TMEM108: variants seen among roughly 807,000 people sequenced by gnomAD.
TMEM108 encodes the protein transmembrane protein 108.
In TMEM108, 12 loss-of-function variants were observed where a neutral mutation model predicts 35.1. The observed-to-expected ratio is 0.34, with a 90% confidence interval of 0.22 to 0.55. The LOEUF (loss-of-function observed/expected upper bound fraction) is 0.55. TMEM108 is among the 20% of genes least tolerant of loss of function. The probability of loss-of-function intolerance (pLI) is 0.89; values close to 1 mark genes in which losing one functional copy is unlikely to be tolerated. For missense variants in TMEM108, 680 were observed against 753.3 expected (o/e 0.90, Z 1.14); for synonymous variants, 287 against 308.6 (o/e 0.93, Z 0.73).
intron 2 of TMEM108, among the ~76,000 whole-genome samples, chr3:133,054,523 A>G (rs1460346904): frequency 6.6e-6 from 1 of 152,232 alleles, no homozygotes; most frequent in Non-Finnish European, 1.5e-5. Context: ...GTGATAAAGG[A>G]AAATAACTTG....
Position 133,178,656 on chromosome 3 carries a change from A to T in TMEM108, c.-46-50610A>T, listed in dbSNP as rs1945278208. Among the ~76,000 whole-genome samples, 3 of 152,352 alleles carry T rather than the reference A, an allele frequency of 2.0e-5. No individual in the cohort carries two copies. In the South Asian group the frequency reaches 6.2e-4, roughly 32 times the overall value. ...TTCCTTACACCTTATACAAAAATTAATCCAAGGTGGATTAAAGACTTAAAT... is the reference window on the plus strand; with the variant it reads ...TTCCTTACACCTTATACAAAAATTATTCCAAGGTGGATTAAAGACTTAAAT... On this transcript the variant is annotated intron_variant, in intron 2 of 5. Coordinates refer to ENST00000321871, the MANE Select transcript of TMEM108 (RefSeq NM_023943.4).
chr3:133,359,982 C>T (rs1205420638), intron 3 of TMEM108, among the ~76,000 whole-genome samples: 3 of 141,206 alleles, frequency 2.1e-5, no homozygotes, highest in Non-Finnish European at 4.5e-5. Flanking sequence ...GGTCATATCC[C>T]TGTAATGGAA....
At chr3:133,199,145 C>G (rs1241447927) in intron 2 of TMEM108, among the ~76,000 whole-genome samples, 1 of 152,242 alleles carries the variant, frequency 6.6e-6, no homozygotes, top group South Asian at 2.1e-4. Context: ...CATCAGGTCC[C>G]TTAAGGACTT....
At chr3:133,196,537 T>C (rs1355161660) in intron 2 of TMEM108, among the ~76,000 whole-genome samples, 2 of 152,226 alleles carry the variant, frequency 1.3e-5, no homozygotes, top group Non-Finnish European at 2.9e-5. Context: ...ATACCTCTTT[T>C]GATGTGACAG....
At chr3:133,305,513 A>AT (rs2071019382) in intron 3 of TMEM108, among the ~76,000 whole-genome samples, 1 of 139,420 alleles carries the variant, frequency 7.2e-6, no homozygotes, top group Non-Finnish European at 1.6e-5. Flanking sequence ...ATAAAGTATA[A>AT]TAAAATAAAT....
intron 2 of TMEM108, among the ~76,000 whole-genome samples, chr3:133,065,715 G>C (rs1417701963): frequency 6.6e-6 from 1 of 152,050 alleles, no homozygotes. Flanking sequence ...ATGCGCATTT[G>C]TACATAGCAT....
chr3:133,305,461 A>G (rs924189343), intron 3 of TMEM108, among the ~76,000 whole-genome samples: 1 of 151,910 alleles, frequency 6.6e-6, no homozygotes, highest in Non-Finnish European at 1.5e-5. Flanking sequence ...ACATGTATAC[A>G]TATGTAACTA....
intron 3 of TMEM108, among the ~76,000 whole-genome samples, chr3:133,240,854 T>G (rs1056850643): frequency 6.6e-6 from 1 of 152,216 alleles, no homozygotes; most frequent in African/African-American, 2.4e-5. Flanking sequence ...ATGGGTTTGC[T>G]GTATTACTAT....
At chr3:133,240,908 T>C (rs1946304172) in intron 3 of TMEM108, among the ~76,000 whole-genome samples, 1 of 152,224 alleles carries the variant, frequency 6.6e-6, no homozygotes, top group African/African-American at 2.4e-5. Context: ...AAGCAAATCT[T>C]ATTTTTGTTT....
chr3:133,380,005 C>T lies in TMEM108; in HGVS notation c.294C>T (p.Ser98=). 1 of 1,614,030 alleles carries T rather than the reference C, an allele frequency of 6.2e-7. No homozygotes were observed. Among genetic ancestry groups the T allele is most frequent in the Admixed American group, 1.7e-5 (1 of 60,020 alleles). ...GGCACCCTCCTACGCACACCATCTC[C>T]ACCATCGCTGCGACAGTAACCGCCC... ...AEGHPPTHTI[S]TIAATVTAPH... Residue 98 remains serine, a synonymous_variant, in exon 4 of 6, where the codon TCC becomes TCT. Transcript: ENST00000321871. This position sits in a 1 kb window ranked among gnomAD's most constrained non-coding sequence, Gnocchi z 5.3.
At chr3:133,264,576 A>T (rs913140024) in intron 3 of TMEM108, among the ~76,000 whole-genome samples, 1 of 152,194 alleles carries the variant, frequency 6.6e-6, no homozygotes, top group African/African-American at 2.4e-5. Context: ...AGTTGTCATT[A>T]TATTGTTTCT....
chr3:133,289,977 A>G (rs371674679), intron 3 of TMEM108, among the ~76,000 whole-genome samples: 7 of 152,208 alleles, frequency 4.6e-5, no homozygotes, highest in African/African-American at 1.2e-4. Context: ...AACACTTACT[A>G]TGTTCCAAGC....
chr3:133,065,265 TAAAC>T (rs1943581915), intron 2 of TMEM108, among the ~76,000 whole-genome samples: 1 of 151,374 alleles, frequency 6.6e-6, no homozygotes, highest in Non-Finnish European at 1.5e-5. Flanking sequence ...TATGTACAAA[TAAAC>T]ACTTACATAG....
chr3:133,276,373 A>T (rs1424352647), intron 3 of TMEM108, among the ~76,000 whole-genome samples: 1 of 152,112 alleles, frequency 6.6e-6, no homozygotes, highest in Non-Finnish European at 1.5e-5. Context: ...AGCAGGCTGG[A>T]TGGTTAAGGA....
rs149890279 is a variant in TMEM108, at chr3:133,141,527, G to A, written c.-46-87739G>A. On this transcript the variant is annotated intron_variant, in intron 2 of 5. Coordinates refer to ENST00000321871, the MANE Select transcript of TMEM108 (RefSeq NM_023943.4). ...CTCAGACGCTACCTGTCCATGGGAT[G>A]GGCTGTATTAATATTCAGATAAGTA... Among the ~76,000 whole-genome samples, 227 of 152,216 alleles carry A rather than the reference G, an allele frequency of 1.5e-3. 2 individuals carry two copies. The East Asian group carries it at 0.032, about 21-fold the overall frequency.
At chr3:133,132,068 G>A (rs1318867650) in intron 2 of TMEM108, among the ~76,000 whole-genome samples, 1 of 152,186 alleles carries the variant, frequency 6.6e-6, no homozygotes, top group Non-Finnish European at 1.5e-5. Context: ...AAAGCTAGCA[G>A]AGGTTGGTTC....
At chr3:133,323,223 A>G (rs975953723) in intron 3 of TMEM108, among the ~76,000 whole-genome samples, 6 of 152,112 alleles carry the variant, frequency 3.9e-5, no homozygotes, top group African/African-American at 7.2e-5. Context: ...TCAAACTGTT[A>G]CTGTTCCCCA....
chr3:133,167,286 A>G (rs1219191636), intron 2 of TMEM108, among the ~76,000 whole-genome samples: 1 of 152,274 alleles, frequency 6.6e-6, no homozygotes, highest in Admixed American at 6.5e-5. Context: ...CTCCAGCTAG[A>G]CATAAAAGTT....
chr3:133,182,411 C>T (rs1016434483), intron 2 of TMEM108, among the ~76,000 whole-genome samples: 1 of 152,096 alleles, frequency 6.6e-6, no homozygotes, highest in Admixed American at 6.6e-5. Flanking sequence ...GAGAAAGCCG[C>T]CTGAGATTCT....
Sources: gnomAD v4.1 joint callset for allele counts (sites outside exome capture counted in the v4.1 genomes callset) on GRCh38, gnomAD v4.1.1 for gene constraint, Gnocchi (gnomAD v3.1) non-coding constraint, MANE v1.5 for transcripts, NCBI Gene and HGNC (gene_info 2026-07-23, HGNC 2026-07-21) for gene names.